TRIM3: variants seen among roughly 807,000 people sequenced by gnomAD.
TRIM3 encodes tripartite motif containing 3.
Under a neutral mutation model 66.6 loss-of-function variants are expected in TRIM3, and 13 were observed. That is an observed-to-expected ratio of 0.20 (90% CI 0.13 to 0.31). The LOEUF (loss-of-function observed/expected upper bound fraction) is 0.31. Among genes scored for constraint, TRIM3 ranks in the 10% least tolerant of loss-of-function variants. The probability of loss-of-function intolerance (pLI) is 1.00; values close to 1 mark genes in which losing one functional copy is unlikely to be tolerated. For synonymous variants in TRIM3, 406 were observed against 411.7 expected, an observed-to-expected ratio of 0.99 and a Z score of 0.17; for missense variants, 711 against 1,020.4, an observed-to-expected ratio of 0.70 and a Z score of 4.13.
At chr11:6,465,042 A>G (rs1382834883) in intron 2 of TRIM3, among the ~76,000 whole-genome samples, 1 of 151,040 alleles carries the variant, frequency 6.6e-6, no homozygotes, top group Non-Finnish European at 1.5e-5. Context: ...TTTGCTCATC[A>G]CTGCATACCC....
At chr11:6,472,840 C>T in intron 1 of TRIM3, among the ~76,000 whole-genome samples, 1 of 152,336 alleles carries the variant, frequency 6.6e-6, no homozygotes, top group East Asian at 1.9e-4. Flanking sequence ...CCCAAGGAGG[C>T]AGGGCTACTG....
intron 2 of TRIM3, among the ~76,000 whole-genome samples, chr11:6,459,645 AC>A (rs1564969511): frequency 6.6e-6 from 1 of 152,210 alleles, no homozygotes; most frequent in Non-Finnish European, 1.5e-5. Context: ...AGTGAAGAAG[AC>A]CTGGATTTAG....
At chr11:6,464,451 A>G (rs138411738) in intron 2 of TRIM3, among the ~76,000 whole-genome samples, 104 of 152,330 alleles carry the variant, frequency 6.8e-4, no homozygotes, top group African/African-American at 2.3e-3. Flanking sequence ...AACAGATTCC[A>G]TATGCCAATC....
chr11:6,465,649 T>C lies in TRIM3; in HGVS notation c.47A>G (p.Asp16Gly). 6.2e-7 allele frequency: 1 copy of C among 1,614,128 alleles called. No homozygotes were observed. The highest frequency in any genetic ancestry group is 1.7e-5 in the Admixed American group (1 of 60,032). Residue 16 changes from aspartate (D) to glycine (G), a missense_variant, in exon 2 of 12, where the codon GAC (aspartate) becomes GGC (glycine). Transcript: ENST00000345851. ...DSPGPEVQPM[D>G]KQFLVCSICL... ...GATGCTGCATACCAGGAACTGCTTGTCCATTGGCTGGACCTCTGGGCCAGG... is the reference window on the plus strand; with the variant it reads ...GATGCTGCATACCAGGAACTGCTTGCCCATTGGCTGGACCTCTGGGCCAGG...
intron 2 of TRIM3, among the ~76,000 whole-genome samples, chr11:6,464,838 T>G (rs1850382313): frequency 6.6e-6 from 1 of 152,006 alleles, no homozygotes. Context: ...ATACAAAAAG[T>G]TAGCTGGGCG....
intron 2 of TRIM3, among the ~76,000 whole-genome samples, chr11:6,463,078 G>A (rs11040897): frequency 0.25 from 37,871 of 151,182 alleles, 5,464 homozygotes; most frequent in Non-Finnish European, 0.32. Flanking sequence ...GGTGGCGTGC[G>A]CCTGTAGTCC....
rs372091658 is a variant in TRIM3 at position 6,450,650 on chromosome 11, G to A, written c.1871-29C>T. 10 of 1,607,484 alleles carry A rather than the reference G, an allele frequency of 6.2e-6. No individual in the cohort carries two copies. The African/African-American group carries it at 1.2e-4, about 19-fold the overall frequency. ...AAAATACAAAGTGGTCTTCAGGGCA[G>A]TAAGCTGGGATGCTGAGTGGGATGG... On this transcript the variant is annotated intron_variant, in intron 9 of 11. Transcript: ENST00000345851. This position sits in a 1 kb window ranked among gnomAD's most constrained non-coding sequence, Gnocchi z 4.8.
intron 2 of TRIM3, among the ~76,000 whole-genome samples, chr11:6,463,897 C>T (rs1850340887): frequency 6.6e-6 from 1 of 152,134 alleles, no homozygotes; most frequent in African/African-American, 2.4e-5. Context: ...AGGCCATTTC[C>T]AGTTGATAAA....
chr11:6,449,529 G>A lies in TRIM3; in HGVS notation c.1942-83C>T. 7.1e-7 allele frequency: 1 copy of A among 1,400,158 alleles called. No homozygotes were observed. Among genetic ancestry groups the A allele is most frequent in the African/African-American group, 1.4e-5 (1 of 69,508 alleles). 86.7% of individuals were successfully genotyped at this position (1,400,158 alleles called of 1,614,324 possible). ...TGGAGGAGGATAGGGTGAAGCCCCA[G>A]GGCTGAGAACCCCCACCCAGATCTA... is the stretch of plus-strand genomic sequence containing the variant. On this transcript the variant is annotated intron_variant, in intron 10 of 11. Transcript: ENST00000345851. The surrounding 1 kb of genome is among the most constrained non-coding windows in gnomAD (Gnocchi z 5.3).
chr11:6,457,056 T>C lies in TRIM3; in HGVS notation c.697-27A>G. On this transcript the variant is annotated intron_variant, in intron 5 of 11. Coordinates refer to ENST00000345851, the MANE Select transcript of TRIM3 (RefSeq NM_033278.4). This position sits in a 1 kb window ranked among gnomAD's most constrained non-coding sequence, Gnocchi z 4.5. Reference sequence around the variant, plus strand: ...TGATGAGGGGTAGGGGAGGAGTGGGTGAGCAGACTGGCACAGGGGGAGTCT... The same window carrying C: ...TGATGAGGGGTAGGGGAGGAGTGGGCGAGCAGACTGGCACAGGGGGAGTCT... 1 of 1,569,014 alleles carries C rather than the reference T, an allele frequency of 6.4e-7. No individual in the cohort carries two copies. The highest frequency in any genetic ancestry group is 8.6e-7 in the Non-Finnish European group (1 of 1,158,364).
chr11:6,467,341 G>A (rs145092543), intron 1 of TRIM3, among the ~76,000 whole-genome samples: 1 of 152,176 alleles, frequency 6.6e-6, no homozygotes, highest in African/African-American at 2.4e-5. Flanking sequence ...GCATGATAAA[G>A]GTTCTTAGGC....
chr11:6,463,362 A>C (rs776803574), intron 2 of TRIM3, among the ~76,000 whole-genome samples: 1 of 152,284 alleles, frequency 6.6e-6, no homozygotes, highest in Admixed American at 6.5e-5. Flanking sequence ...AGTCCCTGGC[A>C]AACAGTAAGC....
At chr11:6,464,548 T>A (rs1385260685) in intron 2 of TRIM3, among the ~76,000 whole-genome samples, 1 of 152,242 alleles carries the variant, frequency 6.6e-6, no homozygotes, top group African/African-American at 2.4e-5. Flanking sequence ...ATGACTATCT[T>A]TCTCTTTCAC....
chr11:6,461,040 G>A (rs1265899715), intron 2 of TRIM3, among the ~76,000 whole-genome samples: 3 of 151,442 alleles, frequency 2.0e-5, no homozygotes, highest in East Asian at 3.9e-4. Flanking sequence ...CGAGCAGCTG[G>A]GATTATAGGC....
rs1351820097 is a variant in TRIM3 at position 6,449,870 on chromosome 11, C to T, written c.1942-424G>A. ...CTCACGGTCCAGGCTCACATCATTT[C>T]TCATCTGGATCACTGCAAAAGATTG... is the stretch of plus-strand genomic sequence containing the variant. On this transcript the variant is annotated intron_variant, in intron 10 of 11. Coordinates refer to ENST00000345851, the MANE Select transcript of TRIM3 (RefSeq NM_033278.4). The surrounding 1 kb of genome is among the most constrained non-coding windows in gnomAD (Gnocchi z 5.3). 5.9e-6 allele frequency: 1 copy of T among 170,530 alleles called. No homozygotes were observed. The highest frequency in any genetic ancestry group is 2.4e-5 in the African/African-American group (1 of 41,788). 10.6% of individuals were successfully genotyped at this position (170,530 alleles called of 1,614,324 possible). A position where few individuals can be genotyped will look rare whatever the true frequency, so the allele number is the denominator to read the frequency against.
chr11:6,466,135 C>T (rs1170078049), intron 1 of TRIM3, among the ~76,000 whole-genome samples: 1 of 152,210 alleles, frequency 6.6e-6, no homozygotes, highest in Non-Finnish European at 1.5e-5. Context: ...CCCAAATCCT[C>T]CTCCAAGAGA....
At chr11:6,467,278 G>A (rs1216772786) in intron 1 of TRIM3, among the ~76,000 whole-genome samples, 4 of 152,078 alleles carry the variant, frequency 2.6e-5, no homozygotes, top group African/African-American at 9.7e-5. Flanking sequence ...TATGGGTGAG[G>A]GTGAGAAACA....
chr11:6,460,852 A>G (rs1850197763), intron 2 of TRIM3, among the ~76,000 whole-genome samples: 1 of 148,128 alleles, frequency 6.8e-6, no homozygotes, highest in Non-Finnish European at 1.5e-5. Context: ...CTTCACAAGT[A>G]TTAACTTATT....
At position 6,465,735 on chromosome 11, in the gene TRIM3, G is replaced by A; in HGVS notation, c.-37-3C>T. 1 of 1,612,688 alleles carries A rather than the reference G, an allele frequency of 6.2e-7. No individual in the cohort carries two copies. Among genetic ancestry groups the A allele is most frequent in the Non-Finnish European group, 8.5e-7 (1 of 1,179,276 alleles). ...GCTCCCGCCACTCACACCAGCCTCT[G>A]TATGGAGAGATGGTCAGCACCAGGG... is the stretch of plus-strand genomic sequence containing the variant. On this transcript the variant is annotated splice_region_variant and splice_polypyrimidine_tract_variant and intron_variant, in intron 1 of 11. Transcript: ENST00000345851.
Sources: allele counts gnomAD v4.1 joint callset (sites outside exome capture counted in the v4.1 genomes callset), GRCh38; gene constraint gnomAD v4.1.1; non-coding constraint Gnocchi (gnomAD v3.1); transcripts MANE v1.5; gene names NCBI Gene and HGNC (gene_info 2026-07-23, HGNC 2026-07-21).